FERMT2: variants seen among roughly 807,000 people sequenced by gnomAD.
FERMT2 encodes FERM domain containing kindlin 2, also known as fermitin family homolog 2.
A neutral mutation model predicts 82.7 loss-of-function variants in FERMT2; 15 were observed. The observed-to-expected ratio is 0.18, with a 90% CI of 0.12 to 0.28. The LOEUF (loss-of-function observed/expected upper bound fraction) is 0.28. Among genes scored for constraint, FERMT2 ranks in the 10% least tolerant of loss-of-function variants. The probability of loss-of-function intolerance (pLI) is 1.00; values close to 1 mark genes in which losing one functional copy is unlikely to be tolerated. For synonymous variants in FERMT2, 274 were observed against 271.5 expected (o/e 1.01, Z -0.09); for missense variants, 645 against 809.4 (o/e 0.80, Z 2.46).
intron 10 of FERMT2, among the ~76,000 whole-genome samples, chr14:52,868,537 GCA>G (rs1011158046): frequency 4.6e-5 from 7 of 152,126 alleles, no homozygotes; most frequent in Non-Finnish European, 8.8e-5. Flanking sequence ...CTAGTACCCA[GCA>G]CAGTTTGTGG....
intron 3 of FERMT2, among the ~76,000 whole-genome samples, chr14:52,918,213 G>A (rs1888730531): frequency 6.6e-6 from 1 of 152,014 alleles, no homozygotes; most frequent in African/African-American, 2.4e-5. Flanking sequence ...TTAAAAGAAT[G>A]TATAACACAT....
intron 3 of FERMT2, among the ~76,000 whole-genome samples, chr14:52,917,850 C>T (rs1014219374): frequency 6.6e-6 from 1 of 152,142 alleles, no homozygotes; most frequent in Non-Finnish European, 1.5e-5. Flanking sequence ...AAGCAGCAGG[C>T]AGGGCTCTGG....
chr14:52,912,986 T>C (rs888355993), intron 3 of FERMT2, among the ~76,000 whole-genome samples: 2 of 152,200 alleles, frequency 1.3e-5, no homozygotes, highest in Non-Finnish European at 2.9e-5. Flanking sequence ...ATTCTAGAGA[T>C]AAACAAAAAC....
At chr14:52,939,007 G>A (rs1889972460) in intron 2 of FERMT2, among the ~76,000 whole-genome samples, 1 of 151,834 alleles carries the variant, frequency 6.6e-6, no homozygotes, top group African/African-American at 2.4e-5. Flanking sequence ...ATGATGCAAA[G>A]TAGCACAATA....
intron 3 of FERMT2, among the ~76,000 whole-genome samples, chr14:52,900,608 A>G (rs1316062295): frequency 6.6e-6 from 1 of 152,164 alleles, no homozygotes; most frequent in Non-Finnish European, 1.5e-5. Flanking sequence ...CAGATGGAAC[A>G]GTAACTTTGT....
chr14:52,874,302 G>A, intron 8 of FERMT2, 76 bp from the exon 9 acceptor site: 1 of 813,128 alleles, frequency 1.2e-6, no homozygotes, highest in Non-Finnish European at 1.9e-6. Flanking sequence ...CTGATATCAA[G>A]AACTAGCTTA....
intron 3 of FERMT2, among the ~76,000 whole-genome samples, chr14:52,906,284 G>A (rs1285321115): frequency 5.3e-5 from 8 of 152,144 alleles, no homozygotes; most frequent in Admixed American, 4.6e-4. Context: ...AAGAACCGAC[G>A]GCTAAAAGAG....
intron 4 of FERMT2, among the ~76,000 whole-genome samples, chr14:52,889,917 C>CA (rs1886837271): frequency 6.6e-6 from 1 of 151,748 alleles, no homozygotes; most frequent in Admixed American, 6.6e-5. Context: ...TCACTTGAGA[C>CA]CAGGAGTTCA....
At chr14:52,929,427 C>T (rs1335501719) in intron 2 of FERMT2, among the ~76,000 whole-genome samples, 3 of 152,170 alleles carry the variant, frequency 2.0e-5, no homozygotes, top group African/African-American at 7.2e-5. Context: ...TGCCATTCCC[C>T]TGCTGAAAAT....
intron 3 of FERMT2, among the ~76,000 whole-genome samples, chr14:52,917,578 T>C (rs1002823752): frequency 6.6e-6 from 1 of 152,122 alleles, no homozygotes; most frequent in Admixed American, 6.5e-5. Context: ...AAAAAGGCAA[T>C]GTGAATCTAC....
chr14:52,924,415 C>CT (rs1323588549), intron 2 of FERMT2, among the ~76,000 whole-genome samples: 1 of 71,232 alleles, frequency 1.4e-5, no homozygotes, highest in Non-Finnish European at 3.0e-5. Flanking sequence ...TTGTGAACAG[C>CT]TGTCTGTATT....
At chr14:52,921,683 A>G (rs1888964744) in intron 2 of FERMT2, among the ~76,000 whole-genome samples, 1 of 152,180 alleles carries the variant, frequency 6.6e-6, no homozygotes, top group Non-Finnish European at 1.5e-5. Context: ...ATCGGTAGGT[A>G]GTATATATAG....
chr14:52,882,019 G>T (rs556438055), intron 4 of FERMT2, among the ~76,000 whole-genome samples: 5 of 152,012 alleles, frequency 3.3e-5, no homozygotes, highest in African/African-American at 4.8e-5. Flanking sequence ...TAAGTAAAAC[G>T]GTTTTTTTTG....
intron 3 of FERMT2, among the ~76,000 whole-genome samples, chr14:52,907,014 A>T (rs1023532276): frequency 1.8e-3 from 36 of 19,938 alleles, no homozygotes; most frequent in Admixed American, 0.014. Context: ...AGGCAAAATT[A>T]AAAAAAAAAT....
chr14:52,934,556 C>T (rs528137364), intron 2 of FERMT2, among the ~76,000 whole-genome samples: 1 of 152,330 alleles, frequency 6.6e-6, no homozygotes, highest in Admixed American at 6.5e-5. Flanking sequence ...ACAGCTCCTT[C>T]AGTATGCAAA....
At chr14:52,896,756 A>G (rs1196448289) in intron 3 of FERMT2, among the ~76,000 whole-genome samples, 3 of 151,960 alleles carry the variant, frequency 2.0e-5, no homozygotes, top group Non-Finnish European at 4.4e-5. Flanking sequence ...TTGGGAGGCC[A>G]AAGTGGGAGA....
At chr14:52,878,467 T>G (rs951303767) in intron 7 of FERMT2, 115 bp downstream of exon 7, 1 of 685,662 alleles carries the variant, frequency 1.5e-6, no homozygotes, top group East Asian at 2.8e-5. Context: ...ACTTTCTTCA[T>G]GGCAAAAATT....
At chr14:52,865,655 C>T (rs754198524) in intron 10 of FERMT2, among the ~76,000 whole-genome samples, 5 of 152,148 alleles carry the variant, frequency 3.3e-5, no homozygotes, top group African/African-American at 9.6e-5. Context: ...AGCACAATGT[C>T]ATATGATCAT....
At chr14:52,923,587 C>T (rs4901317) in intron 2 of FERMT2, among the ~76,000 whole-genome samples, 103,206 of 151,528 alleles carry the variant, frequency 0.68, 35,736 homozygotes, top group East Asian at 0.96. Context: ...GTCCCTCCCC[C>T]ATGAATTCCA....
Sources: gnomAD v4.1 joint callset for allele counts (sites outside exome capture counted in the v4.1 genomes callset) on GRCh38, gnomAD v4.1.1 for gene constraint, MANE v1.5 for transcripts, NCBI Gene and HGNC (gene_info 2026-07-23, HGNC 2026-07-21) for gene names.